Variants in MGST1 observed in about 807,000 individuals in gnomAD.
The protein encoded by MGST1 is glutathione S-transferase 12.
MGST1 carries 5 observed loss-of-function variants against 8.9 expected under a neutral mutation model. The ratio of observed to expected loss-of-function variants is 0.56; its 90% CI spans 0.29 to 1.19. The LOEUF is 1.19. MGST1 is among the 50% of genes most tolerant of loss of function. MGST1 has a pLI of 0.08. For synonymous variants in MGST1, 54 were observed against 67.8 expected (o/e 0.80, Z 1.00); for missense variants, 182 against 187.4 (o/e 0.97, Z 0.17).
At chr12:16,488,568 T>C (rs2137153644) in intron 4 of MGST1, among the ~76,000 whole-genome samples, 1 of 152,304 alleles carries the variant, frequency 6.6e-6, no homozygotes, top group Non-Finnish European at 1.5e-5. Flanking sequence ...CTTTCCTCCA[T>C]AGTCTGCCAG....
intron 4 of MGST1, among the ~76,000 whole-genome samples, chr12:16,540,252 G>T (rs917234431): frequency 6.6e-6 from 1 of 152,116 alleles, no homozygotes; most frequent in African/African-American, 2.4e-5. Flanking sequence ...CAGGCTCCTG[G>T]ATTTGCACAG....
chr12:16,387,819 C>T (rs1189090871), intron 1 of MGST1, among the ~76,000 whole-genome samples: 2 of 151,722 alleles, frequency 1.3e-5, no homozygotes, highest in Admixed American at 6.6e-5. Context: ...GCCGCCGCAC[C>T]CTGCTGTTTT....
intron 4 of MGST1, among the ~76,000 whole-genome samples, chr12:16,527,192 C>T (rs1028323154): frequency 6.6e-6 from 1 of 151,882 alleles, no homozygotes; most frequent in African/African-American, 2.4e-5. Context: ...CTTCCACTAT[C>T]ATATATCTGG....
At chr12:16,501,379 G>C (rs7304507) in intron 4 of MGST1, among the ~76,000 whole-genome samples, 1 of 151,992 alleles carries the variant, frequency 6.6e-6, no homozygotes, top group African/African-American at 2.4e-5. Flanking sequence ...ACAGATTCTC[G>C]TTACATAAAA....
intron 4 of MGST1, among the ~76,000 whole-genome samples, chr12:16,507,565 T>C (rs145738846): frequency 1.3e-5 from 2 of 152,068 alleles, no homozygotes; most frequent in East Asian, 1.9e-4. Context: ...TGAGACTGGG[T>C]AATTTATGAA....
At chr12:16,358,314 A>C (rs1332255020) in intron 3 of MGST1, among the ~76,000 whole-genome samples, 1 of 152,028 alleles carries the variant, frequency 6.6e-6, no homozygotes, top group East Asian at 1.9e-4. Context: ...ATAGTCCCCA[A>C]AATCTATTGT....
intron 4 of MGST1, among the ~76,000 whole-genome samples, chr12:16,491,381 G>T (rs1941436850): frequency 6.6e-6 from 1 of 152,144 alleles, no homozygotes; most frequent in Admixed American, 6.5e-5. Context: ...CAGCCTAATG[G>T]CCGAGACATA....
chr12:16,469,381 G>T (rs11836289), intron 4 of MGST1, among the ~76,000 whole-genome samples: 11 of 152,088 alleles, frequency 7.2e-5, no homozygotes, highest in African/African-American at 2.7e-4. Context: ...TAGAGACAAG[G>T]TTTCACCATG....
chr12:16,588,345 TA>T (rs1178457457), intron 4 of MGST1, among the ~76,000 whole-genome samples: 4 of 151,660 alleles, frequency 2.6e-5, no homozygotes, highest in African/African-American at 9.7e-5. Context: ...ATAATGTGAG[TA>T]AAAAAGTTGG....
intron 4 of MGST1, among the ~76,000 whole-genome samples, chr12:16,473,585 C>A (rs892364276): frequency 6.6e-6 from 1 of 152,110 alleles, no homozygotes; most frequent in Non-Finnish European, 1.5e-5. Context: ...AATAATCTTT[C>A]TATTTATTTT....
At chr12:16,445,573 T>C (rs1941073604) in intron 4 of MGST1, among the ~76,000 whole-genome samples, 1 of 152,002 alleles carries the variant, frequency 6.6e-6, no homozygotes, top group South Asian at 2.1e-4. Flanking sequence ...TAAATGTATG[T>C]TGTCCATTCC....
intron 3 of MGST1, among the ~76,000 whole-genome samples, chr12:16,373,647 A>C (rs1364920527): frequency 6.6e-6 from 1 of 152,082 alleles, no homozygotes; most frequent in Non-Finnish European, 1.5e-5. Context: ...ATTGAATAAA[A>C]AGCATATAAA....
At chr12:16,571,928 T>A (rs1942824719) in intron 4 of MGST1, among the ~76,000 whole-genome samples, 1 of 152,040 alleles carries the variant, frequency 6.6e-6, no homozygotes, top group Non-Finnish European at 1.5e-5. Flanking sequence ...ACACATTTTT[T>A]AAATTTGTGA....
chr12:16,444,549 A>G (rs1941064597), intron 4 of MGST1, among the ~76,000 whole-genome samples: 1 of 151,914 alleles, frequency 6.6e-6, no homozygotes, highest in Non-Finnish European at 1.5e-5. Context: ...TTCAATACAG[A>G]CACCATCATT....
At chr12:16,519,778 G>T (rs1307398012) in intron 4 of MGST1, among the ~76,000 whole-genome samples, 2 of 151,944 alleles carry the variant, frequency 1.3e-5, no homozygotes, top group Non-Finnish European at 2.9e-5. Flanking sequence ...CTGGTTTTTG[G>T]TTTGTTTCAG....
At chr12:16,473,501 T>C (rs1363099063) in intron 4 of MGST1, among the ~76,000 whole-genome samples, 1 of 152,186 alleles carries the variant, frequency 6.6e-6, no homozygotes, top group African/African-American at 2.4e-5. Context: ...CATATACAAC[T>C]GTCAAAGAAA....
intron 1 of MGST1, among the ~76,000 whole-genome samples, chr12:16,423,178 A>G (rs564025129): frequency 6.6e-6 from 1 of 152,306 alleles, no homozygotes; most frequent in African/African-American, 2.4e-5. Context: ...GCCTAATGTG[A>G]AATACATTGA....
intron 2 of MGST1, among the ~76,000 whole-genome samples, chr12:16,356,838 C>G (rs964351364): frequency 1.3e-5 from 2 of 152,166 alleles, no homozygotes; most frequent in Non-Finnish European, 2.9e-5. Context: ...GACACCTTTC[C>G]CATCCCTTAC....
intron 4 of MGST1, among the ~76,000 whole-genome samples, chr12:16,579,560 G>T (rs926861048): frequency 6.6e-6 from 1 of 152,152 alleles, no homozygotes; most frequent in East Asian, 1.9e-4. Context: ...TTGAAAAAAA[G>T]ATTTTAGAAT....
Sources: allele counts gnomAD v4.1 joint callset (sites outside exome capture counted in the v4.1 genomes callset), GRCh38; gene constraint gnomAD v4.1.1; transcripts MANE v1.5; gene names NCBI Gene and HGNC (gene_info 2026-07-23, HGNC 2026-07-21).